Variants in MICAL2 observed in about 807,000 individuals in gnomAD.
MICAL2 encodes the protein [F-actin]-monooxygenase MICAL2.
MICAL2 carries 77 observed loss-of-function variants against 127.3 expected under a neutral mutation model. That is an observed-to-expected ratio of 0.60 (90% CI 0.50 to 0.73). The LOEUF (loss-of-function observed/expected upper bound fraction) is 0.73. MICAL2 is among the 30% of genes least tolerant of loss of function. MICAL2 has a pLI of 0.00. For missense variants in MICAL2, 1,351 were observed against 1,434.4 expected, an observed-to-expected ratio of 0.94 and a Z score of 0.94; for synonymous variants, 570 against 551.1, an observed-to-expected ratio of 1.03 and a Z score of -0.48.
chr11:12,288,225 G>A (rs1307637149), downstream of MICAL2, among the ~76,000 whole-genome samples: 1 of 152,248 alleles, frequency 6.6e-6, no homozygotes, highest in African/African-American at 2.4e-5. Flanking sequence ...GCAGAGGGCA[G>A]AGGAGCTAGC....
intron 17 of MICAL2, 33 bp downstream of exon 17, chr11:12,239,618 T>C (rs1859587277): frequency 1.2e-6 from 2 of 1,604,260 alleles, no homozygotes; most frequent in Middle Eastern, 1.7e-4. Flanking sequence ...TGGACCTAAC[T>C]TCCTGGTGAC....
At chr11:12,185,154 T>TGG (rs1858036741) in intron 3 of MICAL2, among the ~76,000 whole-genome samples, 2 of 46,784 alleles carry the variant, frequency 4.3e-5, no homozygotes, top group South Asian at 8.3e-4. Context: ...GATGGGTGGG[T>TGG]GTGTGGATGA....
At chr11:12,346,816 C>CA (rs1938962635) in intron 32 of MICAL2, among the ~76,000 whole-genome samples, 1 of 152,220 alleles carries the variant, frequency 6.6e-6, no homozygotes, top group South Asian at 2.1e-4. Flanking sequence ...TGTTGGCCCT[C>CA]AATGTTTATA....
intron 3 of MICAL2, among the ~76,000 whole-genome samples, chr11:12,199,606 G>A (rs1250232667): frequency 6.6e-6 from 1 of 152,154 alleles, no homozygotes; most frequent in Non-Finnish European, 1.5e-5. Context: ...CTGGTGAGAG[G>A]GGCGGCTGGA....
At chr11:12,245,217 C>T (rs1401806780) in intron 21 of MICAL2, among the ~76,000 whole-genome samples, 1 of 152,116 alleles carries the variant, frequency 6.6e-6, no homozygotes, top group African/African-American at 2.4e-5. Context: ...TTGGAGTCTT[C>T]CCCCACTCCA....
At chr11:12,230,974 C>G (rs1351452549) in intron 15 of MICAL2, among the ~76,000 whole-genome samples, 1 of 152,190 alleles carries the variant, frequency 6.6e-6, no homozygotes, top group East Asian at 1.9e-4. Flanking sequence ...TGTCTGTGGT[C>G]CTGGTGAGGA....
chr11:12,314,273 A>T (rs1864207302), intron 29 of MICAL2, among the ~76,000 whole-genome samples: 1 of 151,480 alleles, frequency 6.6e-6, no homozygotes, highest in Admixed American at 6.6e-5. Context: ...TTTATTTTTA[A>T]TTAATCCGGA....
chr11:12,320,105 C>A lies in MICAL2; in HGVS notation c.5328+294C>A, dbSNP rs16911082. Among the ~76,000 whole-genome samples the A allele has an allele frequency of 5.1e-3, 773 of 152,214 alleles. 8 individuals are homozygous for A. Among genetic ancestry groups the A allele is most frequent in the African/African-American group, 0.017 (719 of 41,526 alleles). Reference sequence around the variant, plus strand: ...AAAGTGGGTTTAATATGTGGTCCAACAAGCAAACCATCGAAAACATTACAA... The same window carrying A: ...AAAGTGGGTTTAATATGTGGTCCAAAAAGCAAACCATCGAAAACATTACAA... On this transcript the variant is annotated intron_variant, in intron 30 of 34. Coordinates refer to the MICAL2 transcript ENST00000646065.
intron 13 of MICAL2, 75 bp from the exon 14 acceptor site, chr11:12,226,096 C>A: frequency 7.0e-7 from 1 of 1,436,210 alleles, no homozygotes; most frequent in Non-Finnish European, 9.8e-7. Context: ...GTGCTCCTTA[C>A]CACCTGAAGG....
chr11:12,207,989 C>G, intron 4 of MICAL2, 34 bp from the exon 5 acceptor site: 3 of 1,517,356 alleles, frequency 2.0e-6, no homozygotes, highest in Non-Finnish European at 2.7e-6. Flanking sequence ...TCAGGTATTG[C>G]TGTGACAGTT....
intron 3 of MICAL2, among the ~76,000 whole-genome samples, chr11:12,186,326 G>T (rs184356246): frequency 1.6e-4 from 25 of 152,124 alleles, no homozygotes; most frequent in Admixed American, 1.6e-3. Context: ...GTTCAAAGTG[G>T]GCCTTAGACC....
chr11:12,115,155 G>A (rs893770584), intron 1 of MICAL2, among the ~76,000 whole-genome samples: 3 of 152,332 alleles, frequency 2.0e-5, no homozygotes, highest in Non-Finnish European at 2.9e-5. Context: ...GGGGCAGGTC[G>A]TGATGGAAAA....
chr11:12,287,276 T>G (rs1195436284), exon 3 of MICAL2: 1 of 396,680 alleles, frequency 2.5e-6, no homozygotes, highest in Admixed American at 4.4e-5. Context: ...TGGCATGGCC[T>G]CCTGGTTGTC....
chr11:12,154,711 T>A (rs1853973571), intron 2 of MICAL2, among the ~76,000 whole-genome samples: 1 of 152,222 alleles, frequency 6.6e-6, no homozygotes, highest in Non-Finnish European at 1.5e-5. Flanking sequence ...ATATTATTTT[T>A]AAAGGACTGC....
chr11:12,227,511 G>T (rs1166122654), intron 15 of MICAL2, among the ~76,000 whole-genome samples: 2 of 152,202 alleles, frequency 1.3e-5, no homozygotes, highest in Non-Finnish European at 2.9e-5. Flanking sequence ...GAAGTGCATG[G>T]TGATGATGCT....
At chr11:12,354,095 G>T (rs1448977009) in intron 33 of MICAL2, among the ~76,000 whole-genome samples, 1 of 152,234 alleles carries the variant, frequency 6.6e-6, no homozygotes, top group East Asian at 1.9e-4. Context: ...GCCTTCAGCT[G>T]CTCCCCCTGG....
At chr11:12,226,828 G>A (rs1857536875) in intron 14 of MICAL2, among the ~76,000 whole-genome samples, 197 bp from the exon 15 acceptor site, 1 of 151,628 alleles carries the variant, frequency 6.6e-6, no homozygotes, top group East Asian at 1.9e-4. Flanking sequence ...AATTTTTTTT[G>A]TATTTTTAGT....
upstream of MICAL2, chr11:12,274,446 T>C (rs1292281736): frequency 6.6e-6 from 1 of 152,158 alleles, no homozygotes; most frequent in African/African-American, 2.4e-5. Context: ...GTATAGTTTA[T>C]TGGAGGGTGA....
At chr11:12,218,982 G>A (rs971491664) in intron 8 of MICAL2, among the ~76,000 whole-genome samples, 5 of 152,190 alleles carry the variant, frequency 3.3e-5, no homozygotes, top group East Asian at 1.9e-4. Flanking sequence ...TAGGGATTTC[G>A]TGTGTACACT....
Sources: allele counts gnomAD v4.1 joint callset (sites outside exome capture counted in the v4.1 genomes callset), GRCh38; gene constraint gnomAD v4.1.1; transcripts MANE v1.5; gene names NCBI Gene and HGNC (gene_info 2026-07-23, HGNC 2026-07-21).